The following RCL1 variants were observed in gnomAD, a reference collection of about 807,000 sequenced individuals.
The protein encoded by RCL1 is RNA terminal phosphate cyclase like 1, also known as RNA 3'-terminal phosphate cyclase-like protein.
In RCL1, 24 loss-of-function variants were observed where a neutral mutation model predicts 42.4. That is an observed-to-expected ratio of 0.57 (90% CI 0.41 to 0.80). The LOEUF (loss-of-function observed/expected upper bound fraction) is 0.80. Among genes scored for constraint, RCL1 ranks in the 30% least tolerant of loss-of-function variants. The probability of loss-of-function intolerance (pLI) is 0.00; values close to 1 mark genes in which losing one functional copy is unlikely to be tolerated. For missense variants in RCL1, 578 were observed against 467.9 expected, an observed-to-expected ratio of 1.24 and a Z score of -2.17; for synonymous variants, 228 against 177.3, an observed-to-expected ratio of 1.29 and a Z score of -2.27.
chr9:4,847,016 G>C (rs1402011726), intron 7 of RCL1, among the ~76,000 whole-genome samples: 1 of 151,668 alleles, frequency 6.6e-6, no homozygotes, highest in Non-Finnish European at 1.5e-5. Flanking sequence ...CTCCCATGTA[G>C]CTGGAGGCAT....
chr9:4,810,235 A>C lies in RCL1; in HGVS notation c.137-13313A>C, dbSNP rs546293613. 5.3e-5 allele frequency among the ~76,000 whole-genome samples: 8 copies of C among 152,302 alleles called. No homozygotes were observed. In the East Asian group the frequency reaches 7.7e-4, roughly 15 times the overall value. ...TATTAAGAAAAGTGCGTAACCAATA[A>C]ATGTACAGTTTGATGAGTTATTACT... On this transcript the variant is annotated intron_variant, in intron 1 of 8. Transcript: ENST00000381750.
At chr9:4,831,662 G>A (rs1477924850) in intron 3 of RCL1, among the ~76,000 whole-genome samples, 2 of 151,942 alleles carry the variant, frequency 1.3e-5, no homozygotes. Context: ...TAGAGATGAG[G>A]TCTCACTATG....
intron 1 of RCL1, among the ~76,000 whole-genome samples, chr9:4,813,174 A>G (rs886427857): frequency 1.3e-5 from 2 of 152,296 alleles, no homozygotes; most frequent in Admixed American, 6.5e-5. Context: ...AAAGCTTTAA[A>G]ATTTCCCCCA....
At chr9:4,818,794 C>T (rs532453104) in intron 1 of RCL1, among the ~76,000 whole-genome samples, 1 of 151,068 alleles carries the variant, frequency 6.6e-6, no homozygotes, top group East Asian at 1.9e-4. Flanking sequence ...ATTGGTTGAA[C>T]CCTGGAGGCG....
At position 4,793,298 on chromosome 9, in the gene RCL1, C is replaced by T. The variant is rs578221957; in HGVS notation, c.136+71C>T. On this transcript the variant is annotated intron_variant, in intron 1 of 8. Transcript: ENST00000381750. ...GGAGACCGAGCTGATGCCGTGGGGG[C>T]CCGCGCGGTGTTGGTTGGGCGGCTC... 1.1e-5 allele frequency: 17 copies of T among 1,496,194 alleles called. 1 individual carries two copies. The highest frequency in any genetic ancestry group is 2.9e-5 in the African/African-American group (2 of 68,874). The allele number at this position is 1,496,194 out of a possible 1,614,324, so 92.7% of individuals were successfully genotyped here.
At chr9:4,859,456 AT>A (rs1317078820) in intron 8 of RCL1, among the ~76,000 whole-genome samples, 1 of 151,720 alleles carries the variant, frequency 6.6e-6, no homozygotes, top group African/African-American at 2.4e-5. Context: ...TTTTATTTTT[AT>A]TTTTTTTCAT....
intron 1 of RCL1, among the ~76,000 whole-genome samples, chr9:4,815,958 A>C (rs1025426570): frequency 6.6e-6 from 1 of 150,688 alleles, no homozygotes; most frequent in African/African-American, 2.4e-5. Context: ...GAAGCTTGGC[A>C]TTTCCTTCTG....
chr9:4,809,667 T>C (rs1378956354), intron 1 of RCL1, among the ~76,000 whole-genome samples: 1 of 152,234 alleles, frequency 6.6e-6, no homozygotes, highest in African/African-American at 2.4e-5. Flanking sequence ...AATCAAAATA[T>C]ATGAAATTCT....
At chr9:4,841,013 C>G (rs1487422291) in intron 5 of RCL1, among the ~76,000 whole-genome samples, 1 of 152,098 alleles carries the variant, frequency 6.6e-6, no homozygotes, top group Non-Finnish European at 1.5e-5. Flanking sequence ...CAGCTTTATA[C>G]TTTCCACTGT....
intron 1 of RCL1, among the ~76,000 whole-genome samples, chr9:4,816,454 T>C (rs989396083): frequency 6.6e-6 from 1 of 152,226 alleles, no homozygotes; most frequent in Non-Finnish European, 1.5e-5. Context: ...TTGCCATTCT[T>C]TTTAAAATAG....
chr9:4,854,487 T>A (rs1563861002), intron 8 of RCL1, among the ~76,000 whole-genome samples: 1 of 152,174 alleles, frequency 6.6e-6, no homozygotes, highest in Non-Finnish European at 1.5e-5. Context: ...TCCAGTGGCA[T>A]AGTAACCAGG....
At chr9:4,821,771 C>T (rs992622364) in intron 1 of RCL1, among the ~76,000 whole-genome samples, 3 of 152,212 alleles carry the variant, frequency 2.0e-5, no homozygotes, top group African/African-American at 7.2e-5. Flanking sequence ...CACACCATGG[C>T]ACCCCTGGCT....
rs183642853 is a variant in RCL1 at position 4,802,784 on chromosome 9, C to T, written c.136+9557C>T. On this transcript the variant is annotated intron_variant, in intron 1 of 8. Coordinates refer to ENST00000381750, the MANE Select transcript of RCL1 (RefSeq NM_005772.5). ...TGACAAATTATTGCACATCTGAAAC[C>T]ACAGTGCATAACAAACTACAAAAAA... Among the ~76,000 whole-genome samples, 8 of 152,210 alleles carry T rather than the reference C, an allele frequency of 5.3e-5. No homozygotes were observed. In the East Asian group the frequency reaches 1.4e-3, roughly 26 times the overall value.
chr9:4,827,949 G>A (rs756840354), intron 3 of RCL1, among the ~76,000 whole-genome samples: 15 of 152,184 alleles, frequency 9.9e-5, no homozygotes, highest in Non-Finnish European at 1.0e-4. Flanking sequence ...CACTTTGGGA[G>A]GCCGAGGCGG....
In RCL1 at chr9:4,823,587, C is replaced by T. The variant is rs1275999363; in HGVS notation, c.176C>T (p.Thr59Met). The T allele has an allele frequency of 3.7e-6, 6 of 1,611,674 alleles. No homozygotes were observed. Among genetic ancestry groups the T allele is most frequent in the Admixed American group, 1.7e-5 (1 of 59,648 alleles). ...ASFIRLLDKI[T>M]NGSRIEINQT... Reference sequence around the variant, plus strand: ...TTCATAAGGCTATTGGACAAAATAACGAATGGTTCTCGAATTGAAATAAAC... The same window carrying T: ...TTCATAAGGCTATTGGACAAAATAATGAATGGTTCTCGAATTGAAATAAAC... The change falls in exon 2 of 9, where the codon ACG becomes ATG. Residue 59 changes from threonine to methionine, a missense_variant. Transcript: ENST00000381750.
intron 7 of RCL1, among the ~76,000 whole-genome samples, chr9:4,847,726 A>G (rs760103456): frequency 6.6e-6 from 1 of 152,184 alleles, no homozygotes; most frequent in Non-Finnish European, 1.5e-5. Flanking sequence ...TTCTCGACCC[A>G]TTTCGGAAAG....
At chr9:4,816,040 T>C (rs1393893311) in intron 1 of RCL1, among the ~76,000 whole-genome samples, 3 of 152,176 alleles carry the variant, frequency 2.0e-5, no homozygotes. Flanking sequence ...CCTCAGTTAT[T>C]TGTGTTAAAG....
rs969401966 is a variant in RCL1, at chr9:4,834,245, C to G, written c.564C>G (p.Ile188Met). 45 of 1,612,704 alleles carry G rather than the reference C, an allele frequency of 2.8e-5. No individual in the cohort carries two copies. The highest frequency in any genetic ancestry group is 3.8e-5 in the Non-Finnish European group (45 of 1,179,198). Residue 188 changes from isoleucine to methionine, a missense_variant, in exon 5 of 9, where the codon ATC (isoleucine) becomes ATG (methionine). Physicochemically the swap from Ile to Met is conservative, Grantham distance 10. Coordinates refer to ENST00000381750, the MANE Select transcript of RCL1 (RefSeq NM_005772.5). ...TTCAACTCACAGATCCAGGAAAAAT[C>G]AAACGTATTAGAGGAATGGCGTATC... ...KPIQLTDPGK[I>M]KRIRGMAYSV...
At chr9:4,833,124 A>G in intron 3 of RCL1, 30 bp from the exon 4 acceptor site, 3 of 1,526,360 alleles carry the variant, frequency 2.0e-6, no homozygotes, top group Non-Finnish European at 2.7e-6. Context: ...AGGCTTAATT[A>G]AACTTTTCTT....
Sources: allele counts gnomAD v4.1 joint callset (sites outside exome capture counted in the v4.1 genomes callset), GRCh38; gene constraint gnomAD v4.1.1; transcripts MANE v1.5; gene names NCBI Gene and HGNC (gene_info 2026-07-23, HGNC 2026-07-21).